MMP16: variants seen among roughly 807,000 people sequenced by gnomAD.
MMP16 encodes the protein matrix metallopeptidase 16.
A neutral mutation model predicts 67.8 loss-of-function variants in MMP16; 12 were observed. The observed-to-expected ratio is 0.18, with a 90% CI of 0.11 to 0.29. MMP16 has a LOEUF of 0.29. Among genes scored for constraint, MMP16 ranks in the 10% least tolerant of loss-of-function variants. The pLI, the probability that MMP16 is intolerant of heterozygous loss-of-function variation, is 1.00. For missense variants in MMP16, 475 were observed against 765.7 expected (o/e 0.62, Z 4.48); for synonymous variants, 249 against 255.9 (o/e 0.97, Z 0.26).
intron 1 of MMP16, among the ~76,000 whole-genome samples, chr8:88,318,043 A>G (rs1208801825): frequency 6.6e-6 from 1 of 152,220 alleles, no homozygotes; most frequent in African/African-American, 2.4e-5. Flanking sequence ...ACATAAAAAT[A>G]ACAAATGCCA....
intron 4 of MMP16, among the ~76,000 whole-genome samples, chr8:88,141,999 C>T (rs561214696): frequency 6.6e-6 from 1 of 151,784 alleles, no homozygotes; most frequent in South Asian, 2.1e-4. Flanking sequence ...ACTGCTGCAA[C>T]CTCCACCTCC....
intron 4 of MMP16, among the ~76,000 whole-genome samples, chr8:88,144,905 T>C (rs977848998): frequency 3.3e-5 from 5 of 152,030 alleles, no homozygotes; most frequent in African/African-American, 1.2e-4. Context: ...TTCTTGCTCT[T>C]GGGTCAGATG....
At chr8:88,109,724 A>T (rs1211268533) in intron 6 of MMP16, among the ~76,000 whole-genome samples, 2 of 151,268 alleles carry the variant, frequency 1.3e-5, no homozygotes, top group Non-Finnish European at 3.0e-5. Context: ...ATGTAAAAGC[A>T]TTTTGAAGTA....
chr8:88,135,767 T>C (rs1808108595), intron 4 of MMP16, among the ~76,000 whole-genome samples: 1 of 151,840 alleles, frequency 6.6e-6, no homozygotes, highest in Non-Finnish European at 1.5e-5. Flanking sequence ...TACATGATGA[T>C]ATATTAACAA....
rs536051076 is a variant in MMP16 at position 88,155,994 on chromosome 8, A to G, written c.709+11675T>C. Among the ~76,000 whole-genome samples the G allele has an allele frequency of 1.4e-4, 22 of 152,286 alleles. 2 individuals carry two copies. In the South Asian group the frequency reaches 3.9e-3, roughly 27 times the overall value. On this transcript the variant is annotated intron_variant, in intron 4 of 9. Transcript: ENST00000286614. ...ATTCCCTTGCAAAATGGAAGTAATT[A>G]CACTATTTTACAAATTTGTTATGAG...
At chr8:88,215,059 G>A (rs1347739119) in intron 1 of MMP16, among the ~76,000 whole-genome samples, 2 of 152,320 alleles carry the variant, frequency 1.3e-5, no homozygotes, top group East Asian at 1.9e-4. Flanking sequence ...GCTGGGCGCT[G>A]TGGCTCACGC....
rs1486562921 is a variant in MMP16 at position 88,036,055 on chromosome 8, C to T, written c.*5406G>A. 6.6e-6 allele frequency: 1 copy of T among 151,946 alleles called. No homozygotes were observed. Among genetic ancestry groups the T allele is most frequent in the Non-Finnish European group, 1.5e-5 (1 of 67,866 alleles). 9.4% of individuals were successfully genotyped at this position (151,946 alleles called of 1,614,324 possible). On this transcript the variant is annotated 3_prime_UTR_variant, in exon 10 of 10. Coordinates refer to ENST00000286614, the MANE Select transcript of MMP16 (RefSeq NM_005941.5). ...CTACTACGCCAAGTGTCTTAGATTACATGAGTATTGAGGTAAATTTCTATT... is the reference window on the plus strand; with the variant it reads ...CTACTACGCCAAGTGTCTTAGATTATATGAGTATTGAGGTAAATTTCTATT...
At chr8:88,231,377 C>T (rs16880075) in intron 1 of MMP16, among the ~76,000 whole-genome samples, 34,461 of 152,074 alleles carry the variant, frequency 0.23, 4,116 homozygotes, top group Middle Eastern at 0.28. Context: ...TTTTATCTTA[C>T]ATATCTTCCA....
At chr8:88,085,005 A>G (rs1331448868) in intron 6 of MMP16, among the ~76,000 whole-genome samples, 2 of 151,974 alleles carry the variant, frequency 1.3e-5, no homozygotes, top group Non-Finnish European at 2.9e-5. Flanking sequence ...AGGGTAATAT[A>G]TGCTTCATTT....
chr8:88,054,204 A>G (rs903362186), intron 8 of MMP16, among the ~76,000 whole-genome samples: 1 of 152,220 alleles, frequency 6.6e-6, no homozygotes, highest in Non-Finnish European at 1.5e-5. Context: ...TTAAGCTGTT[A>G]CATGAAAGTT....
chr8:88,324,739 T>C (rs1811511719), intron 1 of MMP16, among the ~76,000 whole-genome samples: 1 of 152,094 alleles, frequency 6.6e-6, no homozygotes, highest in Non-Finnish European at 1.5e-5. Flanking sequence ...TTCTTCCCAT[T>C]AGTGTTTCCT....
intron 4 of MMP16, among the ~76,000 whole-genome samples, chr8:88,166,317 C>G (rs1478585843): frequency 6.6e-6 from 1 of 151,906 alleles, no homozygotes; most frequent in African/African-American, 2.4e-5. Context: ...AAAAATAAGT[C>G]TTCACAATAA....
intron 4 of MMP16, among the ~76,000 whole-genome samples, chr8:88,148,777 C>G (rs191177683): frequency 4.8e-5 from 7 of 145,284 alleles, no homozygotes; most frequent in African/African-American, 1.7e-4. Flanking sequence ...CAAAAGTAAC[C>G]ATTCCAAGAG....
intron 1 of MMP16, among the ~76,000 whole-genome samples, chr8:88,268,634 G>C (rs4147332): frequency 0.57 from 86,800 of 151,886 alleles, 26,592 homozygotes; most frequent in East Asian, 0.84. Context: ...TTCCTTAGTA[G>C]CCAATATCAC....
intron 3 of MMP16, 139 bp downstream of exon 3, chr8:88,186,337 C>T: frequency 1.8e-6 from 2 of 1,126,442 alleles, no homozygotes; most frequent in South Asian, 3.5e-5. Context: ...CTCTCAATAG[C>T]AATTTTAAAT....
chr8:88,095,028 G>T (rs1390894835), intron 6 of MMP16, among the ~76,000 whole-genome samples: 2 of 151,654 alleles, frequency 1.3e-5, no homozygotes, highest in East Asian at 3.9e-4. Context: ...GTAATTCAGG[G>T]TGGGCCACAT....
At chr8:88,240,541 C>A (rs1810018067) in intron 1 of MMP16, among the ~76,000 whole-genome samples, 1 of 152,132 alleles carries the variant, frequency 6.6e-6, no homozygotes, top group African/African-American at 2.4e-5. Flanking sequence ...TCTTCTTAAA[C>A]TATTGAGAAG....
At chr8:88,211,867 A>C (rs1333360285) in intron 1 of MMP16, among the ~76,000 whole-genome samples, 1 of 152,198 alleles carries the variant, frequency 6.6e-6, no homozygotes, top group African/African-American at 2.4e-5. Context: ...ACTTACCGAA[A>C]TGGTTGAAAA....
intron 1 of MMP16, among the ~76,000 whole-genome samples, chr8:88,242,430 A>G (rs562003140): frequency 2.0e-5 from 3 of 152,342 alleles, no homozygotes; most frequent in East Asian, 3.9e-4. Context: ...TTATAGTGGA[A>G]GGGAAGATAT....
Sources: gnomAD v4.1 joint callset for allele counts (sites outside exome capture counted in the v4.1 genomes callset) on GRCh38, gnomAD v4.1.1 for gene constraint, MANE v1.5 for transcripts, NCBI Gene and HGNC (gene_info 2026-07-23, HGNC 2026-07-21) for gene names.